RTRAF: variants seen among roughly 807,000 people sequenced by gnomAD.
The protein encoded by RTRAF is RNA transcription, translation and transport factor.
RTRAF carries 14 observed loss-of-function variants against 34.4 expected under a neutral mutation model. The ratio of observed to expected loss-of-function variants is 0.41; its 90% confidence interval spans 0.27 to 0.64. The LOEUF is 0.64. Among genes scored for constraint, RTRAF ranks in the 30% least tolerant of loss-of-function variants. RTRAF has a pLI of 0.34. For synonymous variants in RTRAF, 96 were observed against 95.3 expected, an observed-to-expected ratio of 1.01 and a Z score of -0.04; for missense variants, 291 against 288.4, an observed-to-expected ratio of 1.01 and a Z score of -0.06.
chr14:51,995,820 A>C lies in RTRAF; in HGVS notation c.286+1998A>C, dbSNP rs920722731. Among the ~76,000 whole-genome samples, 6 of 152,128 alleles carry C rather than the reference A, an allele frequency of 3.9e-5. No individual in the cohort carries two copies. The South Asian group carries it at 1.2e-3, about 32-fold the overall frequency. On this transcript the variant is annotated intron_variant, in intron 3 of 7. Transcript: ENST00000261700. ...CTTTTCCATTTAATTTAAAAAAAAA[A>C]AACTTTTCTTTCTTTAGAAAATACA...
At chr14:51,993,640 G>T in intron 2 of RTRAF, 83 bp from the exon 3 acceptor site, 1 of 788,348 alleles carries the variant, frequency 1.3e-6, no homozygotes, top group South Asian at 1.6e-5. Context: ...CCAAACTAAG[G>T]TCTCTTTCAA....
chr14:51,997,331 G>GT lies in RTRAF; in HGVS notation c.287-1162dup, dbSNP rs993776841. On this transcript the variant is annotated intron_variant, in intron 3 of 7. Coordinates refer to ENST00000261700, the MANE Select transcript of RTRAF (RefSeq NM_016039.3). Reference sequence around the variant, plus strand: ...TACATTTATTTGTTGGCTTTCTCTTGTAAGTTTTCCCATCTCTAATTTACT... The same window carrying GT: ...TACATTTATTTGTTGGCTTTCTCTTGTTAAGTTTTCCCATCTCTAATTTACT... Among the ~76,000 whole-genome samples, 4 of 151,856 alleles carry GT rather than the reference G, an allele frequency of 2.6e-5. No homozygotes were observed. In the South Asian group the frequency reaches 8.3e-4, roughly 31 times the overall value.
chr14:51,992,065 TTAATG>T lies in RTRAF; in HGVS notation c.186+628_186+632del, dbSNP rs376359176. On this transcript the variant is annotated intron_variant, in intron 2 of 7. Coordinates refer to ENST00000261700, the MANE Select transcript of RTRAF (RefSeq NM_016039.3). Reference sequence around the variant, plus strand: ...AAGACTGTCGTGTTTATGCTTATATTTAATGTAAACAGATATCCCTTGTTGTATGC... The same window carrying T: ...AAGACTGTCGTGTTTATGCTTATATTTAAACAGATATCCCTTGTTGTATGC... Among the ~76,000 whole-genome samples the T allele has an allele frequency of 6.4e-3, 969 of 152,322 alleles. 8 individuals carry two copies. The highest frequency in any genetic ancestry group is 0.022 in the African/African-American group (931 of 41,572).
chr14:51,999,669 C>A, intron 4 of RTRAF, 39 bp from the exon 5 acceptor site: 2 of 1,350,730 alleles, frequency 1.5e-6, no homozygotes, highest in Non-Finnish European at 1.0e-6. Flanking sequence ...TATACGTTTG[C>A]AGGGTTGTAA....
chr14:51,996,435 C>A (rs1253682), intron 3 of RTRAF, among the ~76,000 whole-genome samples: 1 of 151,768 alleles, frequency 6.6e-6, no homozygotes, highest in Non-Finnish European at 1.5e-5. Flanking sequence ...TTATTATTTG[C>A]GCTCTACTAT....
At chr14:52,004,071 C>T (rs1039468163) in intron 6 of RTRAF, 123 bp from the exon 7 acceptor site, 33 of 816,666 alleles carry the variant, frequency 4.0e-5, no homozygotes, top group African/African-American at 3.3e-4. Context: ...ATTCCTAGTT[C>T]CCTTGCCCAT....
intron 4 of RTRAF, among the ~76,000 whole-genome samples, chr14:51,998,952 T>C (rs974797291): frequency 2.0e-5 from 3 of 152,008 alleles, no homozygotes; most frequent in African/African-American, 7.2e-5. Flanking sequence ...AATTTCCCTT[T>C]TTAAAAATAT....
rs1287455236 is a variant in RTRAF, at chr14:51,989,558, C to T, written c.-82C>T. On this transcript the variant is annotated 5_prime_UTR_variant, in exon 1 of 8. Transcript: ENST00000261700. ...GCGCCTGCCCGCCCTCTCGCCGCGT[C>T]GCCGGTGCCTGCGCCTCCCGCTCCA... 2 of 1,449,164 alleles carry T rather than the reference C, an allele frequency of 1.4e-6. No homozygotes were observed. The highest frequency in any genetic ancestry group is 2.1e-5 in the Admixed American group (1 of 48,406). The allele number at this position is 1,449,164 out of a possible 1,614,324, so 89.8% of individuals were successfully genotyped here. A position where few individuals can be genotyped will look rare whatever the true frequency, so the allele number is the denominator to read the frequency against.
chr14:52,006,588 G>A lies in RTRAF; in HGVS notation c.*2072G>A. 6.2e-7 allele frequency: 1 copy of A among 1,613,890 alleles called. No individual in the cohort carries two copies. ...ATCTGCATAGCTTACGATGCTGAAG[G>A]GGTACTTGAGGTTGTTTTGAATGAC... On this transcript the variant is annotated 3_prime_UTR_variant, in exon 8 of 8. Coordinates refer to ENST00000261700, the MANE Select transcript of RTRAF (RefSeq NM_016039.3).
At chr14:51,994,822 A>G (rs1316101502) in intron 3 of RTRAF, among the ~76,000 whole-genome samples, 1 of 152,188 alleles carries the variant, frequency 6.6e-6, no homozygotes, top group Non-Finnish European at 1.5e-5. Context: ...CTGTATTCAC[A>G]TCTTGACATC....
Position 52,006,432 on chromosome 14 carries a change from G to T in RTRAF, c.*1916G>T. ...AGGAGGTGATGAAACAAAAGCCTCA[G>T]AGGGCTTAATGAGTCAAGTCAGGTA... On this transcript the variant is annotated 3_prime_UTR_variant, in exon 8 of 8. Coordinates refer to ENST00000261700, the MANE Select transcript of RTRAF (RefSeq NM_016039.3). 1.5e-6 allele frequency: 2 copies of T among 1,307,054 alleles called. No individual in the cohort carries two copies. The highest frequency in any genetic ancestry group is 2.1e-6 in the Non-Finnish European group (2 of 937,596). 81.0% of individuals were successfully genotyped at this position (1,307,054 alleles called of 1,614,324 possible).
Position 52,006,364 on chromosome 14 carries a change from T to TGAAA in RTRAF, c.*1850_*1853dup, listed in dbSNP as rs1378483638. On this transcript the variant is annotated 3_prime_UTR_variant, in exon 8 of 8. Coordinates refer to ENST00000261700, the MANE Select transcript of RTRAF (RefSeq NM_016039.3). Reference sequence around the variant, plus strand: ...AAGTAAAAGGATGATTTCAAAAACATGAAAGGATGAAAAACATCCTTGAAG... The same window carrying TGAAA: ...AAGTAAAAGGATGATTTCAAAAACATGAAAGAAAGGATGAAAAACATCCTTGAAG... 9.0e-6 allele frequency: 6 copies of TGAAA among 664,500 alleles called. No individual in the cohort carries two copies. Among genetic ancestry groups the TGAAA allele is most frequent in the Non-Finnish European group, 1.5e-5 (6 of 392,564 alleles). 41.2% of individuals were successfully genotyped at this position (664,500 alleles called of 1,614,324 possible).
In RTRAF at chr14:51,989,562, G is replaced by C. The variant is rs1021777923; in HGVS notation, c.-78G>C. The stretch of plus-strand genomic sequence containing the variant: ...CTGCCCGCCCTCTCGCCGCGTCGCC[G>C]GTGCCTGCGCCTCCCGCTCCACCTC... On this transcript the variant is annotated 5_prime_UTR_variant, in exon 1 of 8. Coordinates refer to ENST00000261700, the MANE Select transcript of RTRAF (RefSeq NM_016039.3). 3 of 1,466,960 alleles carry C rather than the reference G, an allele frequency of 2.0e-6. No individual in the cohort carries two copies. The highest frequency in any genetic ancestry group is 1.2e-5 in the South Asian group (1 of 80,114). The allele number at this position is 1,466,960 out of a possible 1,614,324, so 90.9% of individuals were successfully genotyped here. A position where few individuals can be genotyped will look rare whatever the true frequency, so the allele number is the denominator to read the frequency against.
intron 6 of RTRAF, 71 bp downstream of exon 6, chr14:52,001,937 T>C (rs1313194482): frequency 4.8e-6 from 6 of 1,261,548 alleles, no homozygotes; most frequent in Admixed American, 2.2e-5. Flanking sequence ...TTTTAAACTT[T>C]GCATGTATCT....
intron 2 of RTRAF, among the ~76,000 whole-genome samples, chr14:51,993,033 A>G (rs948202631): frequency 6.6e-6 from 1 of 152,222 alleles, no homozygotes; most frequent in African/African-American, 2.4e-5. Context: ...CTGTCTCAAA[A>G]AAAAGAAATA....
rs774810407 is a variant in RTRAF at position 51,989,697 on chromosome 14, A to G, written c.58A>G (p.Lys20Glu). ...CCACAACCCCGCCGGCTTCAACTGC[A>G]AAGGTGAGGCGGCGGCCTCAGCCCG... ...DYHNPAGFNC[K>E]DETEFRNFIV... The change falls in exon 1 of 8, where the codon AAA becomes GAA. Residue 20 changes from lysine (K) to glutamate (E), a missense_variant. Coordinates refer to ENST00000261700, the MANE Select transcript of RTRAF (RefSeq NM_016039.3). The G allele has an allele frequency of 7.5e-6, 12 of 1,602,452 alleles. No individual in the cohort carries two copies. The East Asian group carries it at 2.7e-4, about 36-fold the overall frequency.
Position 52,005,475 on chromosome 14 carries a change from C to CATTACTGTA in RTRAF, c.*960_*968dup, listed in dbSNP as rs774711739. The CATTACTGTA allele has an allele frequency of 1.9e-6, 3 of 1,590,544 alleles. No homozygotes were observed. The highest frequency in any genetic ancestry group is 2.6e-6 in the Non-Finnish European group (3 of 1,170,736). On this transcript the variant is annotated 3_prime_UTR_variant, in exon 8 of 8. Coordinates refer to ENST00000261700, the MANE Select transcript of RTRAF (RefSeq NM_016039.3). ...ATTGTAAACTCCAAGTCTTCCTTTACATTACTGTACTTACTTTCTTCCTGT... is the reference window on the plus strand; with the variant it reads ...ATTGTAAACTCCAAGTCTTCCTTTACATTACTGTAATTACTGTACTTACTTTCTTCCTGT...
At position 52,010,621 on chromosome 14, in the gene RTRAF, A is replaced by C. The variant is rs1015194863; in HGVS notation, c.*6105A>C. On this transcript the variant is annotated 3_prime_UTR_variant, in exon 8 of 8. Coordinates refer to ENST00000261700, the MANE Select transcript of RTRAF (RefSeq NM_016039.3). ...TCACAACACTATCTGAATTTTCTAC[A>C]TATCACATCACAGACTAATATTGTT... The C allele has an allele frequency of 2.8e-6, 1 of 357,078 alleles. No homozygotes were observed. Among genetic ancestry groups the C allele is most frequent in the East Asian group, 4.6e-5 (1 of 21,514 alleles). The allele number at this position is 357,078 out of a possible 1,614,324, so 22.1% of individuals were successfully genotyped here.
In RTRAF at chr14:52,008,181, C is replaced by T. The variant is rs935338494; in HGVS notation, c.*3665C>T. ...ACTGCCGATATTCGGTCTCAAAAAACTGGTTTCTGCCTTAGGGGCTCTCTC... is the reference window on the plus strand; with the variant it reads ...ACTGCCGATATTCGGTCTCAAAAAATTGGTTTCTGCCTTAGGGGCTCTCTC... On this transcript the variant is annotated 3_prime_UTR_variant, in exon 8 of 8. Transcript: ENST00000261700. 2.2e-6 allele frequency: 1 copy of T among 448,872 alleles called. No individual in the cohort carries two copies. Among genetic ancestry groups the T allele is most frequent in the Non-Finnish European group, 3.9e-6 (1 of 254,838 alleles). 27.8% of individuals were successfully genotyped at this position (448,872 alleles called of 1,614,324 possible). A position where few individuals can be genotyped will look rare whatever the true frequency, so the allele number is the denominator to read the frequency against.
Sources: allele counts gnomAD v4.1 joint callset (sites outside exome capture counted in the v4.1 genomes callset), GRCh38; gene constraint gnomAD v4.1.1; transcripts MANE v1.5; gene names NCBI Gene and HGNC (gene_info 2026-07-23, HGNC 2026-07-21).